FRAS1: variants seen among roughly 807,000 people sequenced by gnomAD.
The protein encoded by FRAS1 is extracellular matrix organizing protein FRAS1.
In FRAS1, 290 loss-of-function variants were observed where a neutral mutation model predicts 435.2. The observed-to-expected ratio is 0.67, with a 90% CI of 0.61 to 0.73. The LOEUF is 0.73. Ranked by LOEUF, FRAS1 falls within the 30% of genes least tolerant of loss-of-function variation. FRAS1 has a pLI of 0.00. For missense variants in FRAS1, 4,860 were observed against 5,001.5 expected (o/e 0.97, Z 0.85); for synonymous variants, 1,800 against 1,851.0 (o/e 0.97, Z 0.71).
chr4:78,272,202 T>G (rs1050265968), intron 9 of FRAS1, among the ~76,000 whole-genome samples: 1 of 152,242 alleles, frequency 6.6e-6, no homozygotes, highest in African/African-American at 2.4e-5. Flanking sequence ...ATGTAGATTC[T>G]GGATATTAGC....
intron 23 of FRAS1, among the ~76,000 whole-genome samples, chr4:78,372,337 G>C (rs1248405769): frequency 6.6e-6 from 1 of 152,152 alleles, no homozygotes; most frequent in Non-Finnish European, 1.5e-5. Flanking sequence ...TGAGTATTTG[G>C]AAGAAGTCAG....
intron 60 of FRAS1, among the ~76,000 whole-genome samples, chr4:78,498,005 C>A (rs377429936): frequency 3.3e-5 from 5 of 152,286 alleles, no homozygotes; most frequent in African/African-American, 1.2e-4. Flanking sequence ...CAACCAAACA[C>A]CACATGTTCT....
chr4:78,493,450 T>TA (rs1720423120), intron 59 of FRAS1, among the ~76,000 whole-genome samples: 1 of 152,150 alleles, frequency 6.6e-6, no homozygotes. Flanking sequence ...GTGGCACACA[T>TA]ACACCATGGA....
At chr4:78,332,983 G>C (rs1396742966) in intron 18 of FRAS1, among the ~76,000 whole-genome samples, 1 of 152,176 alleles carries the variant, frequency 6.6e-6, no homozygotes, top group Non-Finnish European at 1.5e-5. Flanking sequence ...TTTTTTATTT[G>C]ACATTCTCTG....
intron 47 of FRAS1, among the ~76,000 whole-genome samples, chr4:78,456,146 T>TTTCTTTC (rs77127614): frequency 2.2e-5 from 3 of 134,470 alleles, no homozygotes; most frequent in African/African-American, 8.4e-5. Context: ...CACTTTTTTT[T>TTTCTTTC]TTTTTTTTTT....
At chr4:78,388,285 A>G (rs1250615153) in intron 29 of FRAS1, among the ~76,000 whole-genome samples, 7 of 149,874 alleles carry the variant, frequency 4.7e-5, no homozygotes, top group Non-Finnish European at 8.8e-5. Flanking sequence ...AGATCGCGCC[A>G]CTGCACTCCA....
At chr4:78,199,178 T>C in intron 2 of FRAS1, among the ~76,000 whole-genome samples, 1 of 152,256 alleles carries the variant, frequency 6.6e-6, no homozygotes. Context: ...ATTGGTTTTC[T>C]AGTTGAATCT....
At chr4:78,474,782 A>G (rs2109853859) in intron 53 of FRAS1, among the ~76,000 whole-genome samples, 1 of 152,280 alleles carries the variant, frequency 6.6e-6, no homozygotes, top group Non-Finnish European at 1.5e-5. Context: ...CTCATGCCCT[A>G]CTTTCTGTGG....
At chr4:78,393,129 A>G (rs1221854837) in intron 29 of FRAS1, among the ~76,000 whole-genome samples, 1 of 151,884 alleles carries the variant, frequency 6.6e-6, no homozygotes, top group Non-Finnish European at 1.5e-5. Context: ...TGGAAGCATC[A>G]CCACTATCCA....
chr4:78,462,092 A>C (rs1719384223), intron 47 of FRAS1, among the ~76,000 whole-genome samples: 1 of 149,068 alleles, frequency 6.7e-6, no homozygotes, highest in Non-Finnish European at 1.5e-5. Flanking sequence ...TTTACGCCGG[A>C]AGCAAAGGCT....
At chr4:78,072,352 T>C in intron 2 of FRAS1, among the ~76,000 whole-genome samples, 1 of 152,224 alleles carries the variant, frequency 6.6e-6, no homozygotes, top group East Asian at 1.9e-4. Flanking sequence ...ACACAAGAGA[T>C]AGCCCTGTAG....
intron 2 of FRAS1, among the ~76,000 whole-genome samples, chr4:78,147,763 A>G (rs1031882056): frequency 1.3e-5 from 2 of 152,200 alleles, no homozygotes; most frequent in African/African-American, 4.8e-5. Flanking sequence ...TCTTGTCACT[A>G]GATGTGTTTT....
At chr4:78,087,481 A>C (rs1258306834) in intron 2 of FRAS1, among the ~76,000 whole-genome samples, 3 of 152,190 alleles carry the variant, frequency 2.0e-5, no homozygotes, top group Admixed American at 1.3e-4. Flanking sequence ...GAGGAAGTCA[A>C]ATTGTCCCTG....
At chr4:78,323,628 G>A (rs367661903) in intron 18 of FRAS1, among the ~76,000 whole-genome samples, 2 of 152,278 alleles carry the variant, frequency 1.3e-5, no homozygotes, top group Admixed American at 6.5e-5. Context: ...ACCCCCAAGG[G>A]CGCTATTCTC....
intron 35 of FRAS1, among the ~76,000 whole-genome samples, chr4:78,425,290 G>C (rs1010753458): frequency 3.3e-5 from 5 of 152,142 alleles, no homozygotes; most frequent in Admixed American, 2.6e-4. Flanking sequence ...TGAGAAACTT[G>C]GGTGTGGAAG....
chr4:78,136,755 T>A (rs1190445805), intron 2 of FRAS1, among the ~76,000 whole-genome samples: 1 of 152,174 alleles, frequency 6.6e-6, no homozygotes, highest in Non-Finnish European at 1.5e-5. Flanking sequence ...TTGTGTGCCA[T>A]TGGGAGAGTT....
At chr4:78,173,905 C>T (rs1560563279) in intron 2 of FRAS1, among the ~76,000 whole-genome samples, 2 of 152,196 alleles carry the variant, frequency 1.3e-5, no homozygotes, top group African/African-American at 4.8e-5. Flanking sequence ...ATGCATTACA[C>T]TGTTATTCTC....
Position 78,373,378 on chromosome 4 carries a change from G to A in FRAS1, c.3010+520G>A, listed in dbSNP as rs10028775. ...AGCATTCCTAGGAGTATTCCTGGGG[G>A]ACTGAAAACTGACTTGATGAACCAC... On this transcript the variant is annotated intron_variant, in intron 24 of 73. Transcript: ENST00000512123. Among the ~76,000 whole-genome samples the A allele has an allele frequency of 2.6e-5, 4 of 151,426 alleles. No individual in the cohort carries two copies. The East Asian group carries it at 7.7e-4, about 29-fold the overall frequency.
At chr4:78,102,054 C>T (rs1290008051) in intron 2 of FRAS1, among the ~76,000 whole-genome samples, 1 of 152,210 alleles carries the variant, frequency 6.6e-6, no homozygotes, top group Non-Finnish European at 1.5e-5. Flanking sequence ...ATACCATTTT[C>T]TCATTTGATT....
Sources: allele counts gnomAD v4.1 joint callset (sites outside exome capture counted in the v4.1 genomes callset), GRCh38; gene constraint gnomAD v4.1.1; transcripts MANE v1.5; gene names NCBI Gene and HGNC (gene_info 2026-07-23, HGNC 2026-07-21).